PDE4D: variants seen among roughly 807,000 people sequenced by gnomAD.
The protein encoded by PDE4D is phosphodiesterase 4D.
PDE4D carries 24 observed loss-of-function variants against 87.4 expected under a neutral mutation model. The observed-to-expected ratio is 0.27, with a 90% CI of 0.20 to 0.39. PDE4D has a LOEUF of 0.39. PDE4D is among the 10% of genes least tolerant of loss of function. The pLI is 1.00. For missense variants in PDE4D, 714 were observed against 1,041.0 expected (o/e 0.69, Z 4.32); for synonymous variants, 384 against 383.2 (o/e 1.00, Z -0.02).
At chr5:59,751,146 A>G (rs1760396663) in intron 1 of PDE4D, among the ~76,000 whole-genome samples, 1 of 152,130 alleles carries the variant, frequency 6.6e-6, no homozygotes, top group Non-Finnish European at 1.5e-5. Flanking sequence ...TTACCTTCAG[A>G]GTAAGATGGT....
At chr5:59,220,660 G>A (rs1350908241) in intron 1 of PDE4D, among the ~76,000 whole-genome samples, 3 of 151,856 alleles carry the variant, frequency 2.0e-5, no homozygotes, top group Non-Finnish European at 2.9e-5. Flanking sequence ...AATTATAGAT[G>A]GCTTCAAATA....
intron 5 of PDE4D, among the ~76,000 whole-genome samples, chr5:59,151,198 G>A (rs1471430476): frequency 2.0e-5 from 3 of 152,178 alleles, no homozygotes; most frequent in African/African-American, 7.2e-5. Context: ...ACTATGTAAA[G>A]AAAAGATGCT....
chr5:59,262,887 A>G (rs938947919), intron 1 of PDE4D, among the ~76,000 whole-genome samples: 6 of 151,974 alleles, frequency 3.9e-5, no homozygotes, highest in African/African-American at 1.4e-4. Flanking sequence ...GAGAAGAGTC[A>G]TTCGAGCAGT....
intron 1 of PDE4D, among the ~76,000 whole-genome samples, chr5:60,442,645 G>C (rs1423280380): frequency 6.6e-6 from 1 of 152,078 alleles, no homozygotes; most frequent in African/African-American, 2.4e-5. Flanking sequence ...GTTTAGATAA[G>C]CACTATAAAA....
chr5:60,153,361 C>T (rs892059813), intron 2 of PDE4D, among the ~76,000 whole-genome samples: 6 of 151,898 alleles, frequency 4.0e-5, no homozygotes, highest in African/African-American at 1.5e-4. Context: ...ATCAAAAAGA[C>T]AAAAGAAAAG....
intron 1 of PDE4D, among the ~76,000 whole-genome samples, chr5:59,649,924 T>TTTTTTTTTTTTTC (rs1743155370): frequency 7.5e-6 from 1 of 134,066 alleles, no homozygotes. Flanking sequence ...TTTTTTTTTT[T>TTTTTTTTTTTTTC]TTTTTTTTAG....
At chr5:59,587,739 C>T (rs1373965778) in intron 1 of PDE4D, 10 of 353,918 alleles carry the variant, frequency 2.8e-5, no homozygotes, top group Non-Finnish European at 4.0e-5. Flanking sequence ...CCTTGCTAAC[C>T]TCCAAGTAAG....
chr5:59,294,283 G>C (rs1382182210), intron 1 of PDE4D, among the ~76,000 whole-genome samples: 1 of 152,110 alleles, frequency 6.6e-6, no homozygotes, highest in African/African-American at 2.4e-5. Flanking sequence ...CTGCATCTCT[G>C]TGTGAGCTGT....
intron 1 of PDE4D, among the ~76,000 whole-genome samples, chr5:59,336,918 C>T (rs978319362): frequency 2.6e-5 from 4 of 152,296 alleles, no homozygotes; most frequent in East Asian, 1.9e-4. Context: ...TCTATTTACT[C>T]AATGTTCAGT....
chr5:60,169,094 A>C lies in PDE4D; in HGVS notation c.42+16463T>G, dbSNP rs182157073. Among the ~76,000 whole-genome samples the C allele has an allele frequency of 5.9e-5, 9 of 152,250 alleles. No individual in the cohort carries two copies. In the East Asian group the frequency reaches 1.7e-3, roughly 29 times the overall value. On this transcript the variant is annotated intron_variant, in intron 2 of 16. Transcript: ENST00000502484. ...GATAACCTACCAGAATACGGATAAGACAGCTTGCCATGGAGAATTATTAAT... is the reference window on the plus strand; with the variant it reads ...GATAACCTACCAGAATACGGATAAGCCAGCTTGCCATGGAGAATTATTAAT...
chr5:59,468,188 T>C (rs948475488), intron 1 of PDE4D, among the ~76,000 whole-genome samples: 1 of 152,158 alleles, frequency 6.6e-6, no homozygotes, highest in Non-Finnish European at 1.5e-5. Context: ...GTAATTTTCT[T>C]TTTACTTGCA....
chr5:60,142,150 A>G (rs1780585827), intron 2 of PDE4D, among the ~76,000 whole-genome samples: 1 of 151,818 alleles, frequency 6.6e-6, no homozygotes, highest in Admixed American at 6.6e-5. Flanking sequence ...ATCCTGCCCA[A>G]AAGGAAATTA....
chr5:60,303,370 G>A (rs547838708), intron 1 of PDE4D, among the ~76,000 whole-genome samples: 7 of 148,006 alleles, frequency 4.7e-5, no homozygotes, highest in African/African-American at 7.5e-5. Context: ...GTGCAGTGGC[G>A]CGATCTCGGC....
At chr5:59,851,619 TA>T (rs1189612317) in intron 1 of PDE4D, among the ~76,000 whole-genome samples, 1 of 152,048 alleles carries the variant, frequency 6.6e-6, no homozygotes. Flanking sequence ...TTTGAGTTAA[TA>T]AAAAGGACTA....
At chr5:59,897,198 T>A (rs1311926688), upstream of PDE4D, among the ~76,000 whole-genome samples, 1 of 152,222 alleles carries the variant, frequency 6.6e-6, no homozygotes, top group Non-Finnish European at 1.5e-5. Context: ...CATTATGTCA[T>A]TACCACCCCC....
intron 1 of PDE4D, among the ~76,000 whole-genome samples, chr5:60,433,122 C>A (rs142138400): frequency 8.5e-5 from 13 of 152,226 alleles, no homozygotes; most frequent in Admixed American, 5.9e-4. Flanking sequence ...GCAAAGGAAA[C>A]TATCAACAAA....
chr5:60,126,507 T>C (rs532285242), intron 2 of PDE4D, among the ~76,000 whole-genome samples: 2 of 152,292 alleles, frequency 1.3e-5, no homozygotes, highest in East Asian at 3.9e-4. Context: ...TGGGAATAAA[T>C]TAACTTGATA....
intron 2 of PDE4D, among the ~76,000 whole-genome samples, chr5:60,180,870 G>C (rs76189241): frequency 0.035 from 5,398 of 152,130 alleles, 315 homozygotes; most frequent in African/African-American, 0.12. Flanking sequence ...CCTGCTGAGT[G>C]AATACCAGTG....
chr5:59,478,157 T>C (rs1803641804), intron 1 of PDE4D, among the ~76,000 whole-genome samples: 1 of 152,094 alleles, frequency 6.6e-6, no homozygotes, highest in Non-Finnish European at 1.5e-5. Context: ...TATACCCATG[T>C]AACAAACCTG....
Sources: allele counts gnomAD v4.1 joint callset (sites outside exome capture counted in the v4.1 genomes callset), GRCh38; gene constraint gnomAD v4.1.1; transcripts MANE v1.5; gene names NCBI Gene and HGNC (gene_info 2026-07-23, HGNC 2026-07-21).